ZNF362: variants seen among roughly 807,000 people sequenced by gnomAD.
ZNF362 encodes rotund homolog.
ZNF362 carries 11 observed loss-of-function variants against 42.9 expected under a neutral mutation model. The ratio of observed to expected loss-of-function variants is 0.26; its 90% confidence interval spans 0.16 to 0.42. The LOEUF (loss-of-function observed/expected upper bound fraction) is 0.42, where lower values mean the gene tolerates loss of function less well. ZNF362 is among the 20% of genes least tolerant of loss of function. The pLI is 1.00. For missense variants in ZNF362, 362 were observed against 576.2 expected, an observed-to-expected ratio of 0.63 and a Z score of 3.81; for synonymous variants, 255 against 257.3, an observed-to-expected ratio of 0.99 and a Z score of 0.09.
At chr1:33,147,907 G>A in the ZNF362 span, among the ~76,000 whole-genome samples, 1 of 152,216 alleles carries the variant, frequency 6.6e-6, no homozygotes, top group African/African-American at 2.4e-5. The surrounding 1 kb of genome is among the most constrained non-coding windows in gnomAD (Gnocchi z 8.1). Flanking sequence ...GAATGGAAGG[G>A]TGGTGGTTAA....
the ZNF362 span, among the ~76,000 whole-genome samples, chr1:33,245,779 A>C: frequency 1.3e-5 from 2 of 152,124 alleles, no homozygotes; most frequent in Non-Finnish European, 2.9e-5. Context: ...CTCTACAAAA[A>C]ATTTTTAAAA....
the ZNF362 span, among the ~76,000 whole-genome samples, chr1:33,134,088 C>CT: frequency 2.0e-5 from 3 of 152,242 alleles, no homozygotes; most frequent in Non-Finnish European, 4.4e-5. Flanking sequence ...GTTGCCAGGC[C>CT]TTCATGCTAT....
the ZNF362 span, among the ~76,000 whole-genome samples, chr1:33,179,319 G>T: frequency 6.6e-6 from 1 of 152,206 alleles, no homozygotes; most frequent in Non-Finnish European, 1.5e-5. Flanking sequence ...GTCAGTTGTA[G>T]TTTTGAGATA....
chr1:33,259,581 T>C (rs1474735692), intron 1 of ZNF362, among the ~76,000 whole-genome samples: 1 of 152,240 alleles, frequency 6.6e-6, no homozygotes, highest in African/African-American at 2.4e-5. Context: ...TCATTATCCA[T>C]TAATTAGTTT....
chr1:33,160,001 G>C, the ZNF362 span: 2 of 1,572,696 alleles, frequency 1.3e-6, no homozygotes, highest in Non-Finnish European at 8.6e-7. Flanking sequence ...GTGATCTCTG[G>C]GTGAGAGGAG....
the ZNF362 span, among the ~76,000 whole-genome samples, chr1:33,244,423 G>C: frequency 2.0e-5 from 3 of 152,188 alleles, no homozygotes; most frequent in African/African-American, 7.2e-5. The surrounding 1 kb of genome is among the most constrained non-coding windows in gnomAD (Gnocchi z 4.0). Context: ...TGTTTATTGA[G>C]TACAGAGTAT....
At chr1:33,190,705 A>G in the ZNF362 span, among the ~76,000 whole-genome samples, 2 of 152,138 alleles carry the variant, frequency 1.3e-5, no homozygotes, top group African/African-American at 4.8e-5. Context: ...TAGCGCCACA[A>G]CCACCCTTCT....
chr1:33,241,758 A>C, the ZNF362 span, among the ~76,000 whole-genome samples: 1 of 152,124 alleles, frequency 6.6e-6, no homozygotes, highest in Non-Finnish European at 1.5e-5. Flanking sequence ...TAAAAGGGAA[A>C]TATTAGAACA....
the ZNF362 span, among the ~76,000 whole-genome samples, chr1:33,185,638 T>C: frequency 2.0e-5 from 3 of 152,316 alleles, no homozygotes; most frequent in East Asian, 5.8e-4. Context: ...CTGTTGATTA[T>C]CTTTACATTT....
At chr1:33,228,698 C>G in the ZNF362 span, among the ~76,000 whole-genome samples, 407 of 152,284 alleles carry the variant, frequency 2.7e-3, 3 homozygotes, top group African/African-American at 9.2e-3. Context: ...CTCTGCCACT[C>G]TGGAAGCCAT....
chr1:33,282,593 G>A (rs1042578251), intron 6 of ZNF362, among the ~76,000 whole-genome samples: 1 of 152,066 alleles, frequency 6.6e-6, no homozygotes, highest in South Asian at 2.1e-4. Context: ...AGGCTGAGGC[G>A]GGTGGATCAC....
At chr1:33,241,232 C>T in the ZNF362 span, among the ~76,000 whole-genome samples, 9 of 152,204 alleles carry the variant, frequency 5.9e-5, no homozygotes, top group South Asian at 1.2e-3. Context: ...TGGTGGCTCA[C>T]GCCTGTAATC....
chr1:33,285,757 A>C (rs898390003), intron 6 of ZNF362, among the ~76,000 whole-genome samples: 1 of 152,184 alleles, frequency 6.6e-6, no homozygotes. Flanking sequence ...GTGTTTGGCT[A>C]ATTAAAACCA....
At chr1:33,296,750 G>A (rs1470376758) in intron 8 of ZNF362, among the ~76,000 whole-genome samples, 2 of 152,030 alleles carry the variant, frequency 1.3e-5, no homozygotes, top group Non-Finnish European at 2.9e-5. Flanking sequence ...TTGGGGCCTT[G>A]GGGCTCTGTT....
At chr1:33,142,058 A>G in the ZNF362 span, 1 of 152,282 alleles carries the variant, frequency 6.6e-6, no homozygotes, top group African/African-American at 2.4e-5. Context: ...AGGGGAAATA[A>G]CCGTGTCCTG....
chr1:33,146,250 G>T, the ZNF362 span: 1 of 213,472 alleles, frequency 4.7e-6, no homozygotes, highest in Non-Finnish European at 9.5e-6. Flanking sequence ...TCTGCAGCAG[G>T]ATCCTAACTG....
intron 2 of ZNF362, chr1:33,274,788 C>T (rs1570393292): frequency 4.1e-6 from 1 of 244,690 alleles, no homozygotes; most frequent in South Asian, 1.5e-4. Context: ...GTGGCACCTT[C>T]GCTTTGTGGC....
chr1:33,136,722 G>A, the ZNF362 span, among the ~76,000 whole-genome samples: 2 of 151,432 alleles, frequency 1.3e-5, no homozygotes, highest in African/African-American at 2.4e-5. Flanking sequence ...CAGCCAGGCC[G>A]GGCACGGTGG....
At chr1:33,298,738 C>T (rs573191695) in intron 8 of ZNF362, among the ~76,000 whole-genome samples, 192 bp from the exon 9 acceptor site, 1 of 152,340 alleles carries the variant, frequency 6.6e-6, no homozygotes, top group East Asian at 1.9e-4. Context: ...CTCCAGCCAG[C>T]ACTCATACTG....
Sources: gnomAD v4.1 joint callset for allele counts (sites outside exome capture counted in the v4.1 genomes callset) on GRCh38, gnomAD v4.1.1 for gene constraint, Gnocchi (gnomAD v3.1) non-coding constraint, MANE v1.5 for transcripts, NCBI Gene and HGNC (gene_info 2026-07-23, HGNC 2026-07-21) for gene names.